Variants in SYNDIG1 observed in about 807,000 individuals in gnomAD.
SYNDIG1 encodes the protein synapse differentiation inducing 1, also known as synapse differentiation-inducing gene protein 1.
A neutral mutation model predicts 19.4 loss-of-function variants in SYNDIG1; 9 were observed. That is an observed-to-expected ratio of 0.46 (90% CI 0.28 to 0.81). SYNDIG1 has a LOEUF of 0.81. Ranked by LOEUF, SYNDIG1 falls within the 30% of genes least tolerant of loss-of-function variation. SYNDIG1 has a pLI of 0.12. For synonymous variants in SYNDIG1, 141 were observed against 145.9 expected, an observed-to-expected ratio of 0.97 and a Z score of 0.24; for missense variants, 311 against 343.3, an observed-to-expected ratio of 0.91 and a Z score of 0.74.
At chr20:24,518,673 C>G (rs2056939670) in intron 1 of SYNDIG1, among the ~76,000 whole-genome samples, 1 of 152,210 alleles carries the variant, frequency 6.6e-6, no homozygotes, top group African/African-American at 2.4e-5. Flanking sequence ...GCTCGTGTCC[C>G]AGCCTCTGGC....
chr20:24,533,111 T>C (rs547536268), intron 1 of SYNDIG1, among the ~76,000 whole-genome samples: 1 of 152,306 alleles, frequency 6.6e-6, no homozygotes, highest in Admixed American at 6.5e-5. Flanking sequence ...CAGAATGCCA[T>C]TGAGCACTGA....
chr20:24,610,210 C>T (rs1344809983), intron 3 of SYNDIG1, among the ~76,000 whole-genome samples: 1 of 152,130 alleles, frequency 6.6e-6, no homozygotes, highest in African/African-American at 2.4e-5. Context: ...TTGAGGCTCT[C>T]CAAGCTCAGT....
At chr20:24,504,755 G>A (rs1322095755) in intron 1 of SYNDIG1, among the ~76,000 whole-genome samples, 1 of 152,236 alleles carries the variant, frequency 6.6e-6, no homozygotes, top group Non-Finnish European at 1.5e-5. Context: ...GACTAAACGG[G>A]GGTTGGCATA....
chr20:24,532,991 C>G (rs1477106749), intron 1 of SYNDIG1, among the ~76,000 whole-genome samples: 1 of 152,116 alleles, frequency 6.6e-6, no homozygotes, highest in Non-Finnish European at 1.5e-5. Flanking sequence ...TCTTCCTTCT[C>G]CTGGGTCTCA....
chr20:24,532,785 A>G (rs971242398), intron 1 of SYNDIG1, among the ~76,000 whole-genome samples: 7 of 152,178 alleles, frequency 4.6e-5, no homozygotes, highest in African/African-American at 1.7e-4. Flanking sequence ...CTTCTGCTCC[A>G]TGAGGACTGT....
intron 3 of SYNDIG1, among the ~76,000 whole-genome samples, chr20:24,627,917 C>CCCGA (rs2059177502): frequency 6.6e-6 from 1 of 152,190 alleles, no homozygotes; most frequent in Non-Finnish European, 1.5e-5. Flanking sequence ...CGGAGAGCAG[C>CCCGA]GTAGTGATGA....
intron 3 of SYNDIG1, among the ~76,000 whole-genome samples, chr20:24,621,766 G>A (rs565380560): frequency 6.6e-6 from 1 of 152,272 alleles, no homozygotes; most frequent in East Asian, 1.9e-4. Flanking sequence ...ATAACCATGA[G>A]TTGAGCTTGA....
chr20:24,642,447 C>A (rs773112786), intron 3 of SYNDIG1, among the ~76,000 whole-genome samples: 1 of 152,182 alleles, frequency 6.6e-6, no homozygotes, highest in Non-Finnish European at 1.5e-5. Context: ...GCACAGCCCA[C>A]ACTCGAAGGG....
chr20:24,484,450 G>T (rs78808953), intron 1 of SYNDIG1, among the ~76,000 whole-genome samples: 3,648 of 152,256 alleles, frequency 0.024, 125 homozygotes, highest in African/African-American at 0.083. Context: ...GTAAAAGACA[G>T]GTTGCGTGAA....
chr20:24,515,018 A>G (rs934240178), intron 1 of SYNDIG1, among the ~76,000 whole-genome samples: 1 of 152,218 alleles, frequency 6.6e-6, no homozygotes, highest in Non-Finnish European at 1.5e-5. Flanking sequence ...CCTGCTCCTG[A>G]ATGACTACTG....
rs749611721 is a variant in SYNDIG1 at position 24,628,059 on chromosome 20, G to C, written c.619-37287G>C. 7.4e-4 allele frequency among the ~76,000 whole-genome samples: 112 copies of C among 152,340 alleles called. No individual in the cohort carries two copies. In the Middle Eastern group the frequency reaches 0.02, roughly 28 times the overall value. On this transcript the variant is annotated intron_variant, in intron 3 of 3. Coordinates refer to ENST00000376862, the MANE Select transcript of SYNDIG1 (RefSeq NM_024893.3). ...ATGGCACTTAGAGGAGCACAGGATG[G>C]TCCCCCTCTAGGACAGAGGAAGGAG... is the stretch of plus-strand genomic sequence containing the variant.
intron 1 of SYNDIG1, among the ~76,000 whole-genome samples, chr20:24,479,041 A>G (rs1217865957): frequency 6.6e-6 from 1 of 152,240 alleles, no homozygotes; most frequent in East Asian, 1.9e-4. Flanking sequence ...ATCTTCCTCG[A>G]ATTTCTATTC....
At chr20:24,656,329 G>A (rs773732603) in intron 3 of SYNDIG1, among the ~76,000 whole-genome samples, 1 of 152,252 alleles carries the variant, frequency 6.6e-6, no homozygotes, top group South Asian at 2.1e-4. Flanking sequence ...AATAAGGAGA[G>A]TGACAGTTGT....
At chr20:24,514,061 G>A (rs535798982) in intron 1 of SYNDIG1, among the ~76,000 whole-genome samples, 9 of 152,318 alleles carry the variant, frequency 5.9e-5, no homozygotes, top group Admixed American at 5.9e-4. Flanking sequence ...ATCCTTTACA[G>A]AGAAGCAAAT....
intron 3 of SYNDIG1, among the ~76,000 whole-genome samples, chr20:24,611,819 G>A (rs2058853079): frequency 6.6e-6 from 1 of 152,210 alleles, no homozygotes; most frequent in South Asian, 2.1e-4. Context: ...AAGAATCATA[G>A]GGAATCTGGC....
At chr20:24,492,177 T>G (rs2056172079) in intron 1 of SYNDIG1, among the ~76,000 whole-genome samples, 1 of 47,416 alleles carries the variant, frequency 2.1e-5, no homozygotes, top group Non-Finnish European at 4.0e-5. Flanking sequence ...GAGCCTTCTC[T>G]CCACACCCCC....
rs1350983392 is a variant in SYNDIG1, at chr20:24,555,559, T to C, written c.480+11982T>C. Among the ~76,000 whole-genome samples the C allele has an allele frequency of 3.9e-5, 6 of 152,368 alleles. No individual in the cohort carries two copies. The East Asian group carries it at 9.6e-4, about 24-fold the overall frequency. On this transcript the variant is annotated intron_variant, in intron 2 of 3. Transcript: ENST00000376862. ...CTTTATTTCTGCCTTCATTTCATTATGTACGCAGTAGTCATTCAGGAGCAG... is the reference window on the plus strand; with the variant it reads ...CTTTATTTCTGCCTTCATTTCATTACGTACGCAGTAGTCATTCAGGAGCAG...
chr20:24,516,064 A>G (rs1600494688), intron 1 of SYNDIG1, among the ~76,000 whole-genome samples: 2 of 152,332 alleles, frequency 1.3e-5, no homozygotes, highest in South Asian at 4.2e-4. Flanking sequence ...TCTTTGACAA[A>G]CCTGACAAAA....
chr20:24,514,917 C>A (rs1299701978), intron 1 of SYNDIG1, among the ~76,000 whole-genome samples: 3 of 152,198 alleles, frequency 2.0e-5, no homozygotes, highest in Non-Finnish European at 2.9e-5. Flanking sequence ...GAAATTATAA[C>A]AAACTGTCTC....
Sources: gnomAD v4.1 joint callset for allele counts (sites outside exome capture counted in the v4.1 genomes callset) on GRCh38, gnomAD v4.1.1 for gene constraint, MANE v1.5 for transcripts, NCBI Gene and HGNC (gene_info 2026-07-23, HGNC 2026-07-21) for gene names.